ERC2: variants seen among roughly 807,000 people sequenced by gnomAD.
ERC2 encodes the protein ELKS/RAB6-interacting/CAST family member 2.
Under a neutral mutation model 114.8 loss-of-function variants are expected in ERC2, and 42 were observed. The ratio of observed to expected loss-of-function variants is 0.37; its 90% CI spans 0.29 to 0.47. The LOEUF (loss-of-function observed/expected upper bound fraction) is 0.47. Ranked by LOEUF, ERC2 falls within the 20% of genes least tolerant of loss-of-function variation. The pLI is 0.99. For synonymous variants in ERC2, 454 were observed against 425.5 expected, an observed-to-expected ratio of 1.07 and a Z score of -0.82; for missense variants, 939 against 1,150.7, an observed-to-expected ratio of 0.82 and a Z score of 2.66.
At chr3:55,950,285 C>G (rs1259517822) in intron 13 of ERC2, 140 bp downstream of exon 13, 2 of 1,006,322 alleles carry the variant, frequency 2.0e-6, no homozygotes, top group Non-Finnish European at 2.8e-6. Flanking sequence ...GAAAGACCTA[C>G]TGGGTTCCCT....
At chr3:56,153,398 A>G (rs2081532888) in intron 4 of ERC2, among the ~76,000 whole-genome samples, 2 of 152,156 alleles carry the variant, frequency 1.3e-5, no homozygotes, top group African/African-American at 4.8e-5. Flanking sequence ...ATCCAAATCC[A>G]TATTTTCACA....
chr3:56,380,485 T>C (rs2059707242), intron 2 of ERC2, among the ~76,000 whole-genome samples: 2 of 152,016 alleles, frequency 1.3e-5, no homozygotes, highest in South Asian at 4.2e-4. Flanking sequence ...ACAATCACCT[T>C]TTGTGTCTCC....
At chr3:56,436,691 G>A (rs768271344) in intron 1 of ERC2, among the ~76,000 whole-genome samples, 43 of 152,146 alleles carry the variant, frequency 2.8e-4, no homozygotes, top group Non-Finnish European at 5.0e-4. Context: ...TTAGTGATGG[G>A]CATGTGACCC....
intron 8 of ERC2, among the ~76,000 whole-genome samples, chr3:56,016,055 T>C (rs2149584528): frequency 6.6e-6 from 1 of 151,832 alleles, no homozygotes; most frequent in South Asian, 2.1e-4. Context: ...GTGGGGTTGT[T>C]TGTTTGTTTC....
intron 2 of ERC2, among the ~76,000 whole-genome samples, chr3:56,410,598 T>C (rs1169135567): frequency 1.3e-5 from 2 of 152,112 alleles, no homozygotes; most frequent in Non-Finnish European, 2.9e-5. Context: ...AATTTTGAGT[T>C]TTCTGGGGGG....
intron 6 of ERC2, among the ~76,000 whole-genome samples, chr3:56,133,499 A>G (rs2080325437): frequency 6.6e-6 from 1 of 152,232 alleles, no homozygotes; most frequent in African/African-American, 2.4e-5. Context: ...CCTGACATGA[A>G]GAAAGCCCTC....
intron 17 of ERC2, among the ~76,000 whole-genome samples, chr3:55,616,606 A>T (rs973252312): frequency 6.6e-6 from 1 of 151,140 alleles, no homozygotes; most frequent in Non-Finnish European, 1.5e-5. Flanking sequence ...GCACATTTTA[A>T]TCGTAAAAGC....
At chr3:55,610,354 T>G (rs772326612) in intron 17 of ERC2, among the ~76,000 whole-genome samples, 1 of 152,054 alleles carries the variant, frequency 6.6e-6, no homozygotes, top group Non-Finnish European at 1.5e-5. Context: ...AAAACATAAT[T>G]CCTTGTAGTA....
At chr3:55,684,933 C>T (rs1348635881) in intron 16 of ERC2, among the ~76,000 whole-genome samples, 1 of 152,138 alleles carries the variant, frequency 6.6e-6, no homozygotes, top group Non-Finnish European at 1.5e-5. Flanking sequence ...TAACCTGGAA[C>T]ATTTTCTCAT....
At chr3:55,596,002 A>G (rs534333873) in intron 17 of ERC2, among the ~76,000 whole-genome samples, 1 of 152,320 alleles carries the variant, frequency 6.6e-6, no homozygotes, top group South Asian at 2.1e-4. Flanking sequence ...AAAGCCCTTA[A>G]ACTAACCTAA....
In ERC2 at chr3:55,508,311, T is replaced by C. The variant is rs1457369106; in HGVS notation, c.*3005A>G. On this transcript the variant is annotated 3_prime_UTR_variant, in exon 18 of 18. Coordinates refer to ENST00000288221, the MANE Select transcript of ERC2 (RefSeq NM_015576.3). ...TTTATTAGAGATAGAATGAACTCAC[T>C]TCAGAAAGAAACAAGGTTTATTTGA... 1 of 152,588 alleles carries C rather than the reference T, an allele frequency of 6.6e-6. No homozygotes were observed. Among genetic ancestry groups the C allele is most frequent in the East Asian group, 1.9e-4 (1 of 5,190 alleles). 9.5% of individuals were successfully genotyped at this position (152,588 alleles called of 1,614,324 possible).
At chr3:55,846,693 T>TCTCTTTCTC (rs1553702627) in intron 14 of ERC2, among the ~76,000 whole-genome samples, 16 of 142,820 alleles carry the variant, frequency 1.1e-4, no homozygotes, top group African/African-American at 3.2e-4. Context: ...CTCTCTCTCT[T>TCTCTTTCTC]TCTCTCTCTC....
At chr3:55,615,431 C>A (rs1402913335) in intron 17 of ERC2, among the ~76,000 whole-genome samples, 1 of 152,182 alleles carries the variant, frequency 6.6e-6, no homozygotes, top group Non-Finnish European at 1.5e-5. Context: ...CCATTGCCCA[C>A]TGCACAGCCC....
intron 17 of ERC2, among the ~76,000 whole-genome samples, chr3:55,668,516 C>G (rs551975793): frequency 6.6e-6 from 1 of 152,208 alleles, no homozygotes; most frequent in African/African-American, 2.4e-5. Flanking sequence ...GACTTGGATT[C>G]CATGGCTACA....
Position 56,117,716 on chromosome 3 carries a change from TAGCTAC to T in ERC2, c.1473+21787_1473+21792del, listed in dbSNP as rs1185167037. 2.0e-5 allele frequency among the ~76,000 whole-genome samples: 3 copies of T among 152,322 alleles called. No individual in the cohort carries two copies. The East Asian group carries it at 5.8e-4, about 29-fold the overall frequency. ...AAGGAAGGAGTAGGAAGAGAAATCA[TAGCTAC>T]AGCTCACTAAATACACAAGAAAAAT... On this transcript the variant is annotated intron_variant, in intron 6 of 17. Coordinates refer to ENST00000288221, the MANE Select transcript of ERC2 (RefSeq NM_015576.3).
At chr3:55,595,857 A>G (rs1419578743) in intron 17 of ERC2, among the ~76,000 whole-genome samples, 1 of 152,212 alleles carries the variant, frequency 6.6e-6, no homozygotes, top group Non-Finnish European at 1.5e-5. Context: ...CTCAGGCAAT[A>G]AAGTGTAGGT....
chr3:55,626,821 A>G (rs1374282493), intron 17 of ERC2, among the ~76,000 whole-genome samples: 2 of 152,358 alleles, frequency 1.3e-5, no homozygotes, highest in East Asian at 3.9e-4. Context: ...AGTTCCTTCA[A>G]CACGTTCAGA....
intron 2 of ERC2, among the ~76,000 whole-genome samples, chr3:56,304,520 A>G (rs890562675): frequency 2.1e-5 from 3 of 143,976 alleles, no homozygotes; most frequent in African/African-American, 7.8e-5. Context: ...GAAAGTCTTC[A>G]TTCTGTGAGA....
chr3:56,105,031 A>G (rs2078573579), intron 6 of ERC2, among the ~76,000 whole-genome samples: 1 of 152,046 alleles, frequency 6.6e-6, no homozygotes, highest in Non-Finnish European at 1.5e-5. Context: ...TGAAGGAGGC[A>G]AGAGAGTTTG....
Sources: allele counts gnomAD v4.1 joint callset (sites outside exome capture counted in the v4.1 genomes callset), GRCh38; gene constraint gnomAD v4.1.1; transcripts MANE v1.5; gene names NCBI Gene and HGNC (gene_info 2026-07-23, HGNC 2026-07-21).